The following CAST variants were observed in gnomAD, a reference collection of about 807,000 sequenced individuals.
CAST encodes the protein MIR583 host.
A neutral mutation model predicts 119.6 loss-of-function variants in CAST; 76 were observed. The ratio of observed to expected loss-of-function variants is 0.64; its 90% CI spans 0.53 to 0.77. The LOEUF is 0.77. CAST is among the 30% of genes least tolerant of loss of function. The pLI, the probability that CAST is intolerant of heterozygous loss-of-function variation, is 0.00. For synonymous variants in CAST, 319 were observed against 331.6 expected (o/e 0.96, Z 0.41); for missense variants, 953 against 946.5 (o/e 1.01, Z -0.09).
At chr5:96,154,648 A>G in the CAST span, among the ~76,000 whole-genome samples, 3 of 152,108 alleles carry the variant, frequency 2.0e-5, no homozygotes, top group Non-Finnish European at 4.4e-5. Flanking sequence ...ATAGATTCCT[A>G]TTGGCTATTA....
chr5:96,641,223 A>C (rs962208994), intron 1 of CAST, among the ~76,000 whole-genome samples: 21 of 152,308 alleles, frequency 1.4e-4, no homozygotes, highest in African/African-American at 3.8e-4. Context: ...GAATTGTAGA[A>C]ATAAAGGGAA....
the CAST span, among the ~76,000 whole-genome samples, chr5:96,455,146 C>A: frequency 2.0e-5 from 3 of 152,294 alleles, no homozygotes; most frequent in Middle Eastern, 6.8e-3. Context: ...GTAAGATAAA[C>A]TGAAACACAA....
the CAST span, among the ~76,000 whole-genome samples, chr5:96,181,523 T>C: frequency 6.6e-6 from 1 of 152,198 alleles, no homozygotes; most frequent in Admixed American, 6.5e-5. Flanking sequence ...TTGGCCATTT[T>C]TTCTCTCCAT....
chr5:96,251,950 T>A, the CAST span, among the ~76,000 whole-genome samples: 1 of 152,190 alleles, frequency 6.6e-6, no homozygotes, highest in East Asian at 1.9e-4. Flanking sequence ...TCAGTTAGAA[T>A]TGAAATCCTG....
the CAST span, among the ~76,000 whole-genome samples, chr5:96,086,443 G>GA: frequency 6.6e-6 from 1 of 152,126 alleles, no homozygotes; most frequent in African/African-American, 2.4e-5. Flanking sequence ...AAAGCGTTGG[G>GA]AAATATTTTT....
intron 13 of CAST, 55 bp downstream of exon 13, chr5:96,740,838 G>T: frequency 9.0e-7 from 1 of 1,105,168 alleles, no homozygotes; most frequent in Non-Finnish European, 1.4e-6. Context: ...ATTTTTGGCT[G>T]GGGGAACAGG....
In CAST at chr5:96,534,761, GAA is replaced by G. The variant is rs1561408962; in HGVS notation, c.60+4883_60+4884del. ...AGAGAGAAAGAAAGAAAGAAAGAAA[GAA>G]AGAAAGAAAGAAAGAAAGAAAGAAA... On this transcript the variant is annotated intron_variant, in intron 1 of 11. Coordinates refer to the CAST transcript ENST00000505143. Among the ~76,000 whole-genome samples the G allele has an allele frequency of 3.1e-3, 296 of 94,334 alleles. 16 individuals are homozygous for G. The highest frequency in any genetic ancestry group is 0.018 in the Middle Eastern group (4 of 220). 61.9% of individuals were successfully genotyped at this position (94,334 alleles called of 152,430 possible). A position where few individuals can be genotyped will look rare whatever the true frequency, so the allele number is the denominator to read the frequency against.
At chr5:96,025,446 A>G in the CAST span, among the ~76,000 whole-genome samples, 14 of 152,194 alleles carry the variant, frequency 9.2e-5, no homozygotes, top group Admixed American at 3.3e-4. Flanking sequence ...ATCACATGGG[A>G]GATGAGGCTT....
the CAST span, among the ~76,000 whole-genome samples, chr5:96,430,215 G>A: frequency 4.0e-3 from 607 of 152,196 alleles, 3 homozygotes; most frequent in African/African-American, 0.014. Flanking sequence ...TGACATCTTT[G>A]GTTCATTTAG....
intron 1 of CAST, among the ~76,000 whole-genome samples, chr5:96,553,623 T>G (rs1746177815): frequency 2.0e-5 from 3 of 152,216 alleles, no homozygotes; most frequent in Admixed American, 2.0e-4. Context: ...TGTCTCTGTT[T>G]GCAGATGACA....
chr5:96,483,020 A>T, the CAST span, among the ~76,000 whole-genome samples: 11 of 152,308 alleles, frequency 7.2e-5, no homozygotes, highest in African/African-American at 2.2e-4. Flanking sequence ...TATTTTGTAA[A>T]CATGTCAAGA....
intron 22 of CAST, 60 bp downstream of exon 22, chr5:96,754,801 A>G: frequency 1.0e-6 from 1 of 959,728 alleles, no homozygotes; most frequent in Non-Finnish European, 1.7e-6. Context: ...CATACACAGA[A>G]CAAAGGTACT....
the CAST span, among the ~76,000 whole-genome samples, chr5:96,478,536 G>C: frequency 1.2e-4 from 19 of 152,162 alleles, no homozygotes; most frequent in Admixed American, 5.2e-4. Flanking sequence ...CATTGGTTAA[G>C]GTAAAGCCTT....
the CAST span, among the ~76,000 whole-genome samples, chr5:96,133,303 A>C: frequency 2.0e-5 from 3 of 151,944 alleles, no homozygotes; most frequent in Non-Finnish European, 4.4e-5. Flanking sequence ...GAAAAAAAAA[A>C]AACACACACA....
At chr5:96,770,283 G>A in intron 29 of CAST, 1 of 471,492 alleles carries the variant, frequency 2.1e-6, no homozygotes, top group Non-Finnish European at 3.9e-6. Context: ...GGGTGAGTCA[G>A]GCACCACGGG....
At chr5:96,473,684 C>T in the CAST span, among the ~76,000 whole-genome samples, 1 of 152,220 alleles carries the variant, frequency 6.6e-6, no homozygotes, top group African/African-American at 2.4e-5. Context: ...CTTCTCCTTA[C>T]AGGTCACTGG....
chr5:96,584,588 G>A (rs1746824523), intron 1 of CAST: 1 of 152,224 alleles, frequency 6.6e-6, no homozygotes, highest in Admixed American at 6.5e-5. Context: ...TAGGAAGTTG[G>A]TGTTAGAGGT....
chr5:96,733,629 T>C (rs1052649281), intron 9 of CAST, among the ~76,000 whole-genome samples: 1 of 152,176 alleles, frequency 6.6e-6, no homozygotes, highest in African/African-American at 2.4e-5. Flanking sequence ...GTACATAGCA[T>C]GTTTAAAGTA....
chr5:96,702,778 C>T, intron 3 of CAST: 1 of 985,478 alleles, frequency 1.0e-6, no homozygotes, highest in Non-Finnish European at 1.2e-6. Context: ...GCGTCGCCTT[C>T]CCGGGACCGC....
Sources: allele counts gnomAD v4.1 joint callset (sites outside exome capture counted in the v4.1 genomes callset), GRCh38; gene constraint gnomAD v4.1.1; transcripts MANE v1.5; gene names NCBI Gene and HGNC (gene_info 2026-07-23, HGNC 2026-07-21).